Variants in JAK2 observed in about 807,000 individuals in gnomAD.
The protein encoded by JAK2 is tyrosine-protein kinase JAK2.
JAK2 carries 86 observed loss-of-function variants against 139.3 expected under a neutral mutation model. The observed-to-expected ratio is 0.62, with a 90% CI of 0.52 to 0.74. The LOEUF (loss-of-function observed/expected upper bound fraction) is 0.74. Ranked by LOEUF, JAK2 falls within the 30% of genes least tolerant of loss-of-function variation. The pLI is 0.00. For missense variants in JAK2, 1,421 were observed against 1,360.3 expected (o/e 1.04, Z -0.70); for synonymous variants, 490 against 437.7 (o/e 1.12, Z -1.49).
chr9:4,987,024 C>G (rs193231473), intron 2 of JAK2, among the ~76,000 whole-genome samples: 112 of 152,326 alleles, frequency 7.4e-4, no homozygotes, highest in African/African-American at 2.6e-3. Flanking sequence ...ATCCGCCTCA[C>G]CTTATACCAC....
At chr9:5,081,438 C>T (rs1414588758) in intron 18 of JAK2, among the ~76,000 whole-genome samples, 1 of 152,088 alleles carries the variant, frequency 6.6e-6, no homozygotes, top group Non-Finnish European at 1.5e-5. Flanking sequence ...CCCAGTACTA[C>T]TCACCTTTCT....
chr9:5,027,410 T>G (rs1382038578), intron 3 of JAK2, among the ~76,000 whole-genome samples: 2 of 152,202 alleles, frequency 1.3e-5, no homozygotes, highest in African/African-American at 4.8e-5. Context: ...CAAAAAGCAC[T>G]CATAATCATC....
At chr9:5,008,124 T>C (rs370042074) in intron 2 of JAK2, among the ~76,000 whole-genome samples, 1 of 152,220 alleles carries the variant, frequency 6.6e-6, no homozygotes, top group African/African-American at 2.4e-5. Context: ...TATTCTTCAG[T>C]GTTGCTATTT....
intron 9 of JAK2, 100 bp downstream of exon 9, chr9:5,065,140 A>C: frequency 1.4e-6 from 1 of 707,814 alleles, no homozygotes; most frequent in Non-Finnish European, 2.0e-6. Context: ...GAAAAAAATA[A>C]TTTGACAAGT....
chr9:5,117,595 A>C (rs369477164), intron 22 of JAK2, among the ~76,000 whole-genome samples: 1 of 152,184 alleles, frequency 6.6e-6, no homozygotes, highest in Non-Finnish European at 1.5e-5. Context: ...ACTCTTATCA[A>C]AGTTTATTTT....
chr9:5,118,692 G>A (rs1738570958), intron 22 of JAK2, among the ~76,000 whole-genome samples: 1 of 152,194 alleles, frequency 6.6e-6, no homozygotes, highest in Non-Finnish European at 1.5e-5. Flanking sequence ...GTGTAAGTGA[G>A]TGGACAGGAA....
Position 5,069,221 on chromosome 9 carries a change from T to C in JAK2, c.1513+13T>C, listed in dbSNP as rs753430884. On this transcript the variant is annotated intron_variant, in intron 11 of 24. Transcript: ENST00000381652. ...CCAAAGCCAAAAGGTAAGATAATTT[T>C]CTAGTTATTTTTAAATTACTGGTCA... 6.4e-7 allele frequency: 1 copy of C among 1,568,052 alleles called. No homozygotes were observed. The highest frequency in any genetic ancestry group is 8.7e-7 in the Non-Finnish European group (1 of 1,149,382).
chr9:5,085,342 A>T, intron 19 of JAK2: 1 of 887,224 alleles, frequency 1.1e-6, no homozygotes, highest in Non-Finnish European at 1.9e-6. Context: ...AGCTATTCCT[A>T]CATTTTTTCC....
chr9:5,090,866 A>G lies in JAK2; in HGVS notation c.3014A>G (p.Lys1005Arg). 6.2e-7 allele frequency: 1 copy of G among 1,612,948 alleles called. No individual in the cohort carries two copies. The highest frequency in any genetic ancestry group is 1.1e-5 in the South Asian group (1 of 90,920). Residue 1005 changes from lysine to arginine, a missense_variant, in exon 22 of 25, where the codon AAA becomes AGA. By Grantham distance (26) the Lys-to-Arg change is conservative. Coordinates refer to ENST00000381652, the MANE Select transcript of JAK2 (RefSeq NM_004972.4). ...FGLTKVLPQD[K>R]EYYKVKEPGE... ...TTAACCAAAGTCTTGCCACAAGACA[A>G]AGAATACTATAAAGTAAAAGAACCT...
intron 14 of JAK2, 148 bp downstream of exon 14, chr9:5,073,933 G>T (rs1819139586): frequency 1.7e-6 from 1 of 595,728 alleles, no homozygotes; most frequent in South Asian, 2.1e-5. Flanking sequence ...AAACACTGTA[G>T]GACTATTCAG....
At chr9:5,009,967 C>G (rs189214894) in intron 2 of JAK2, among the ~76,000 whole-genome samples, 30 of 152,230 alleles carry the variant, frequency 2.0e-4, no homozygotes, top group Admixed American at 1.0e-3. Context: ...GAGACAGGGT[C>G]TCGCAATGTT....
chr9:5,067,964 C>T (rs541841659), intron 10 of JAK2, among the ~76,000 whole-genome samples: 2 of 151,928 alleles, frequency 1.3e-5, no homozygotes, highest in East Asian at 3.9e-4. Context: ...CCATCCTGGC[C>T]AATGTGGTGA....
intron 2 of JAK2, among the ~76,000 whole-genome samples, chr9:4,996,256 C>T (rs1284778594): frequency 6.6e-6 from 1 of 152,114 alleles, no homozygotes; most frequent in Non-Finnish European, 1.5e-5. Flanking sequence ...CACCACCAGC[C>T]TGACTAACAT....
intron 14 of JAK2, among the ~76,000 whole-genome samples, chr9:5,074,003 C>A (rs979871529): frequency 6.6e-6 from 1 of 152,102 alleles, no homozygotes; most frequent in African/African-American, 2.4e-5. Context: ...AATGCCCAAA[C>A]AATAGAGTAT....
chr9:5,112,465 C>T (rs972542316), intron 22 of JAK2: 36 of 543,370 alleles, frequency 6.6e-5, no homozygotes, highest in Non-Finnish European at 9.4e-5. Context: ...GAAGGACCCC[C>T]GGGACCGGAC....
intron 19 of JAK2, 109 bp from the exon 20 acceptor site, chr9:5,089,565 A>G (rs1311461392): frequency 1.9e-5 from 6 of 308,750 alleles, no homozygotes; most frequent in East Asian, 5.2e-5. Context: ...AAAAAAAAAA[A>G]GACAGTCTGC....
intron 4 of JAK2, among the ~76,000 whole-genome samples, chr9:5,040,098 A>C (rs1373511693): frequency 6.6e-6 from 1 of 152,248 alleles, no homozygotes; most frequent in Non-Finnish European, 1.5e-5. Context: ...GTGATACTAA[A>C]GGATGAATAT....
At chr9:5,028,722 G>A (rs1472676751) in intron 3 of JAK2, among the ~76,000 whole-genome samples, 1 of 152,162 alleles carries the variant, frequency 6.6e-6, no homozygotes, top group Non-Finnish European at 1.5e-5. Context: ...TTTTATGTTA[G>A]GGACATGGTT....
At chr9:5,093,578 T>C (rs548299526) in intron 22 of JAK2, among the ~76,000 whole-genome samples, 3 of 152,260 alleles carry the variant, frequency 2.0e-5, no homozygotes, top group African/African-American at 2.4e-5. Context: ...AAAAAGCCTA[T>C]AGGCCTTAAC....
Sources: gnomAD v4.1 joint callset for allele counts (sites outside exome capture counted in the v4.1 genomes callset) on GRCh38, gnomAD v4.1.1 for gene constraint, MANE v1.5 for transcripts, NCBI Gene and HGNC (gene_info 2026-07-23, HGNC 2026-07-21) for gene names.